SEMA4D: variants seen among roughly 807,000 people sequenced by gnomAD.
SEMA4D encodes the protein semaphorin 4D.
Under a neutral mutation model 74.8 loss-of-function variants are expected in SEMA4D, and 22 were observed. The ratio of observed to expected loss-of-function variants is 0.29; its 90% CI spans 0.21 to 0.42. SEMA4D has a LOEUF of 0.42. Ranked by LOEUF, SEMA4D falls within the 10% of genes least tolerant of loss-of-function variation. SEMA4D has a pLI of 1.00. For synonymous variants in SEMA4D, 445 were observed against 463.7 expected (o/e 0.96, Z 0.52); for missense variants, 937 against 1,118.4 (o/e 0.84, Z 2.31).
At chr9:89,374,229 G>A (rs1835491262), downstream of SEMA4D, among the ~76,000 whole-genome samples, 1 of 152,182 alleles carries the variant, frequency 6.6e-6, no homozygotes, top group Non-Finnish European at 1.5e-5. Context: ...ACTGGCAAAG[G>A]ACTGCCCTCC....
At chr9:89,411,796 C>T (rs1264595679) in intron 2 of SEMA4D, among the ~76,000 whole-genome samples, 1 of 152,180 alleles carries the variant, frequency 6.6e-6, no homozygotes, top group African/African-American at 2.4e-5. Context: ...GCCTGGGTCC[C>T]TAGGGCAGCC....
intron 18 of SEMA4D, chr9:89,363,423 C>T: frequency 6.2e-7 from 1 of 1,611,898 alleles, no homozygotes; most frequent in African/African-American, 1.3e-5. Flanking sequence ...CGGCTGCGGC[C>T]ACTTACCCAC....
intron 2 of SEMA4D, among the ~76,000 whole-genome samples, chr9:89,406,177 C>T (rs1477694310): frequency 1.3e-5 from 2 of 152,190 alleles, no homozygotes; most frequent in South Asian, 2.1e-4. Context: ...TGAGTGCACA[C>T]ACATGCACAC....
chr9:89,455,424 C>T (rs143926143), intron 2 of SEMA4D, among the ~76,000 whole-genome samples: 7 of 152,336 alleles, frequency 4.6e-5, no homozygotes, highest in African/African-American at 1.7e-4. Context: ...CAACTGCCCA[C>T]CAGATCCCGA....
intron 2 of SEMA4D, among the ~76,000 whole-genome samples, chr9:89,444,957 C>G (rs1190748651): frequency 6.6e-6 from 1 of 152,122 alleles, no homozygotes; most frequent in African/African-American, 2.4e-5. Flanking sequence ...CCCGACAGAA[C>G]AGGGTCACAA....
intron 2 of SEMA4D, 134 bp from the exon 3 acceptor site, chr9:89,405,833 G>C: frequency 7.8e-7 from 1 of 1,289,858 alleles, no homozygotes; most frequent in South Asian, 2.8e-5. Context: ...GGCAGCGGGG[G>C]ACAAAGAGAG....
At chr9:89,385,645 A>T in intron 13 of SEMA4D, 1 of 858,188 alleles carries the variant, frequency 1.2e-6, no homozygotes, top group Non-Finnish European at 1.4e-6. Flanking sequence ...AGCTTTGTGG[A>T]TACAGGGGAG....
chr9:89,377,159 C>T (rs182774127), downstream of SEMA4D: 9 of 1,435,184 alleles, frequency 6.3e-6, no homozygotes, highest in African/African-American at 2.9e-5. Flanking sequence ...CAGAAAAGAG[C>T]GAGCCCAGCT....
At chr9:89,421,764 G>A (rs143036967) in intron 2 of SEMA4D, among the ~76,000 whole-genome samples, 241 of 152,288 alleles carry the variant, frequency 1.6e-3, no homozygotes, top group African/African-American at 5.7e-3. Flanking sequence ...GTATGTTTCC[G>A]TCTGTGCAGG....
intron 3 of SEMA4D, among the ~76,000 whole-genome samples, chr9:89,404,152 A>C (rs1842777459): frequency 6.6e-6 from 1 of 152,138 alleles, no homozygotes; most frequent in Non-Finnish European, 1.5e-5. Context: ...CCTCCAAGAG[A>C]AGAAATAACT....
chr9:89,405,253 TG>T, intron 3 of SEMA4D, 97 bp downstream of exon 3: 1 of 987,820 alleles, frequency 1.0e-6, no homozygotes. Flanking sequence ...TTCCAGGAAG[TG>T]GGGTCCCTGT....
chr9:89,413,693 A>G (rs1845035738), intron 2 of SEMA4D, among the ~76,000 whole-genome samples: 1 of 152,222 alleles, frequency 6.6e-6, no homozygotes, highest in South Asian at 2.1e-4. Context: ...ATGTGTATAC[A>G]TATGTGTATG....
chr9:89,423,426 G>A (rs2134293852), intron 2 of SEMA4D, among the ~76,000 whole-genome samples: 1 of 152,214 alleles, frequency 6.6e-6, no homozygotes, highest in East Asian at 1.9e-4. Context: ...CCCAACCTCG[G>A]TGATCCGTCC....
chr9:89,433,359 A>C (rs1038234784), intron 2 of SEMA4D, among the ~76,000 whole-genome samples: 2 of 152,156 alleles, frequency 1.3e-5, no homozygotes, highest in Admixed American at 1.3e-4. Flanking sequence ...GGGCCACTGC[A>C]GCATGGTCAG....
intron 1 of SEMA4D, among the ~76,000 whole-genome samples, chr9:89,458,311 G>A (rs1856441075): frequency 6.6e-6 from 1 of 152,094 alleles, no homozygotes; most frequent in East Asian, 1.9e-4. Context: ...TCCGTATTAG[G>A]GCTGTTTTTA....
chr9:89,366,992 C>G (rs1423152957), intron 16 of SEMA4D: 1 of 152,274 alleles, frequency 6.6e-6, no homozygotes, highest in African/African-American at 2.4e-5. Context: ...GCAAAACCCT[C>G]AAAGCTCTAC....
Position 89,404,218 on chromosome 9 carries a change from G to A in SEMA4D, c.106+1133C>T, listed in dbSNP as rs556474065. Among the ~76,000 whole-genome samples, 81 of 152,346 alleles carry A rather than the reference G, an allele frequency of 5.3e-4. No individual in the cohort carries two copies. In the South Asian group the frequency reaches 8.3e-3, roughly 16 times the overall value. On this transcript the variant is annotated intron_variant, in intron 3 of 15. Transcript: ENST00000422704. ...TAGCTGGCATGAGGCTCAGCTGCAC[G>A]TAGGACGAGCATTCTTATGATGCCT...
In SEMA4D at chr9:89,392,520, C is replaced by G; in HGVS notation, c.525G>C (p.Ser175=). ...TTCCCAAAAAATTATACGACGTCCC[C>G]GAATAAAGTTCTCCATCTGCAGGGG... ...TSVMVDGELY[S]GTSYNFLGSE... The change falls in exon 8 of 16, where the codon TCG becomes TCC. Residue 175 remains serine, a synonymous_variant. Transcript: ENST00000422704. 1 of 1,613,320 alleles carries G rather than the reference C, an allele frequency of 6.2e-7. No individual in the cohort carries two copies. The highest frequency in any genetic ancestry group is 1.1e-5 in the South Asian group (1 of 91,050).
At chr9:89,457,009 T>C (rs1451424536) in intron 1 of SEMA4D, among the ~76,000 whole-genome samples, 1 of 152,180 alleles carries the variant, frequency 6.6e-6, no homozygotes, top group African/African-American at 2.4e-5. Context: ...CTCACTGGCC[T>C]CCTGGAGCAG....
Sources: gnomAD v4.1 joint callset for allele counts (sites outside exome capture counted in the v4.1 genomes callset) on GRCh38, gnomAD v4.1.1 for gene constraint, MANE v1.5 for transcripts, NCBI Gene and HGNC (gene_info 2026-07-23, HGNC 2026-07-21) for gene names.